Variants in GRID2 observed in about 807,000 individuals in gnomAD.
GRID2 encodes the protein glutamate ionotropic receptor delta type subunit 2.
A neutral mutation model predicts 114.8 loss-of-function variants in GRID2; 33 were observed. The ratio of observed to expected loss-of-function variants is 0.29; its 90% CI spans 0.22 to 0.38. GRID2 has a LOEUF of 0.38. Among genes scored for constraint, GRID2 ranks in the 10% least tolerant of loss-of-function variants. The pLI is 1.00. For synonymous variants in GRID2, 505 were observed against 449.9 expected (o/e 1.12, Z -1.55); for missense variants, 1,184 against 1,257.7 (o/e 0.94, Z 0.89).
chr4:92,765,160 A>G (rs1002046404), intron 2 of GRID2, among the ~76,000 whole-genome samples: 1 of 152,168 alleles, frequency 6.6e-6, no homozygotes, highest in African/African-American at 2.4e-5. Flanking sequence ...TCAATTTTAT[A>G]CTATTTTTTG....
intron 14 of GRID2, among the ~76,000 whole-genome samples, chr4:93,649,957 G>C (rs564288898): frequency 6.6e-6 from 1 of 152,170 alleles, no homozygotes; most frequent in South Asian, 2.1e-4. Flanking sequence ...AATCCTACAA[G>C]TTTCCTCCCC....
chr4:93,365,055 C>A (rs1036566989), intron 8 of GRID2, among the ~76,000 whole-genome samples: 1 of 151,932 alleles, frequency 6.6e-6, no homozygotes, highest in African/African-American at 2.4e-5. Context: ...TCAGCCTATT[C>A]TCTTTGTTGG....
intron 13 of GRID2, among the ~76,000 whole-genome samples, chr4:93,543,087 C>T (rs1732813290): frequency 6.6e-6 from 1 of 152,146 alleles, no homozygotes; most frequent in African/African-American, 2.4e-5. Context: ...TGCATCCCTT[C>T]CCCAAGTTCT....
At chr4:93,619,017 A>C (rs991476412) in intron 13 of GRID2, among the ~76,000 whole-genome samples, 1 of 152,132 alleles carries the variant, frequency 6.6e-6, no homozygotes, top group African/African-American at 2.4e-5. Context: ...TGGGCATAAC[A>C]CTTCTTTTCT....
chr4:92,376,696 A>T (rs933462491), intron 1 of GRID2, among the ~76,000 whole-genome samples: 1 of 152,068 alleles, frequency 6.6e-6, no homozygotes, highest in African/African-American at 2.4e-5. Flanking sequence ...AGGCATTTCC[A>T]TACATCCTCT....
At chr4:93,000,379 TTG>T (rs1042917192) in intron 2 of GRID2, among the ~76,000 whole-genome samples, 1 of 151,650 alleles carries the variant, frequency 6.6e-6, no homozygotes, top group Non-Finnish European at 1.5e-5. Flanking sequence ...AATACCATGA[TTG>T]GAGCTATTAG....
At chr4:92,549,122 C>CA (rs35094573) in intron 1 of GRID2, among the ~76,000 whole-genome samples, 6,985 of 111,912 alleles carry the variant, frequency 0.062, 457 homozygotes, top group African/African-American at 0.17. Context: ...AGGTCTTCCG[C>CA]AAAAAAAAAA....
At chr4:92,700,207 G>A (rs1333300590) in intron 2 of GRID2, among the ~76,000 whole-genome samples, 3 of 152,068 alleles carry the variant, frequency 2.0e-5, no homozygotes, top group African/African-American at 7.2e-5. Context: ...AAATATTCTG[G>A]TCTGTTATTT....
chr4:92,472,090 C>T (rs1392740570), intron 1 of GRID2, among the ~76,000 whole-genome samples: 1 of 117,808 alleles, frequency 8.5e-6, no homozygotes, highest in African/African-American at 3.8e-5. Context: ...CCCGCCACTA[C>T]GCCCAGCTAA....
intron 1 of GRID2, among the ~76,000 whole-genome samples, chr4:92,388,243 T>C (rs183218532): frequency 2.0e-5 from 3 of 152,140 alleles, no homozygotes; most frequent in African/African-American, 7.2e-5. Context: ...GTTTTAACCT[T>C]TTTAGGTCAT....
At chr4:93,668,668 G>A (rs1049186266) in intron 14 of GRID2, among the ~76,000 whole-genome samples, 5 of 151,940 alleles carry the variant, frequency 3.3e-5, no homozygotes, top group African/African-American at 7.2e-5. Flanking sequence ...TTTATTCTCC[G>A]GAAAATGTGG....
At chr4:92,917,145 G>A (rs997653498) in intron 2 of GRID2, among the ~76,000 whole-genome samples, 3 of 152,196 alleles carry the variant, frequency 2.0e-5, no homozygotes, top group African/African-American at 7.2e-5. Context: ...TCTTTTGGCG[G>A]AATAAATGTC....
intron 10 of GRID2, among the ~76,000 whole-genome samples, chr4:93,452,110 A>G (rs1053823830): frequency 7.9e-5 from 12 of 152,164 alleles, no homozygotes; most frequent in African/African-American, 2.9e-4. Flanking sequence ...CAAATGAGAA[A>G]AGGATGTAGG....
intron 8 of GRID2, among the ~76,000 whole-genome samples, chr4:93,254,449 A>G (rs1182699283): frequency 1.3e-5 from 2 of 152,134 alleles, no homozygotes; most frequent in Non-Finnish European, 2.9e-5. Context: ...TTATCCACTG[A>G]AAACTTTTCC....
In GRID2 at chr4:93,536,143, T is replaced by C. The variant is rs936848563; in HGVS notation, c.2193+20732T>C. 2.0e-5 allele frequency among the ~76,000 whole-genome samples: 3 copies of C among 152,138 alleles called. No individual in the cohort carries two copies. In the East Asian group the frequency reaches 5.8e-4, roughly 29 times the overall value. On this transcript the variant is annotated intron_variant, in intron 13 of 15. Transcript: ENST00000282020. Reference sequence around the variant, plus strand: ...TGCCCGTAGTACCCAGAGGGATCTATAGATTCAATGAAATCCTTATCATGA... The same window carrying C: ...TGCCCGTAGTACCCAGAGGGATCTACAGATTCAATGAAATCCTTATCATGA...
In GRID2 at chr4:93,702,338, T is replaced by C. The variant is rs139744694; in HGVS notation, c.2361-66872T>C. Among the ~76,000 whole-genome samples the C allele has an allele frequency of 3.2e-3, 481 of 152,308 alleles. 3 individuals carry two copies. Among genetic ancestry groups the C allele is most frequent in the African/African-American group, 0.011 (467 of 41,588 alleles). ...ATCTGTTTGCAAATTGGCATCATAT[T>C]TGCTCACAGTTCTGCAATTCGTCTT... On this transcript the variant is annotated intron_variant, in intron 14 of 15. Coordinates refer to ENST00000282020, the MANE Select transcript of GRID2 (RefSeq NM_001510.4).
chr4:93,097,743 G>T (rs1045684616), intron 3 of GRID2, among the ~76,000 whole-genome samples: 1 of 151,804 alleles, frequency 6.6e-6, no homozygotes, highest in Non-Finnish European at 1.5e-5. Flanking sequence ...TGCAGAATTC[G>T]TTACTTTTTG....
intron 2 of GRID2, among the ~76,000 whole-genome samples, chr4:92,605,209 G>T (rs982607453): frequency 6.6e-6 from 1 of 152,032 alleles, no homozygotes; most frequent in African/African-American, 2.4e-5. Context: ...ATACACCAGT[G>T]TACATTTTCT....
chr4:93,764,926 C>T (rs1461027628), intron 14 of GRID2, among the ~76,000 whole-genome samples: 1 of 152,044 alleles, frequency 6.6e-6, no homozygotes, highest in African/African-American at 2.4e-5. Context: ...TTTGCATTGT[C>T]ATACATACGC....
Sources: allele counts gnomAD v4.1 joint callset (sites outside exome capture counted in the v4.1 genomes callset), GRCh38; gene constraint gnomAD v4.1.1; transcripts MANE v1.5; gene names NCBI Gene and HGNC (gene_info 2026-07-23, HGNC 2026-07-21).